Variants in LRRK1 observed in about 807,000 individuals in gnomAD.
LRRK1 encodes the protein leucine rich repeat kinase 1.
Under a neutral mutation model 209.1 loss-of-function variants are expected in LRRK1, and 113 were observed. The ratio of observed to expected loss-of-function variants is 0.54; its 90% confidence interval spans 0.46 to 0.63. The LOEUF (loss-of-function observed/expected upper bound fraction) is 0.63, where lower values mean the gene tolerates loss of function less well. Among genes scored for constraint, LRRK1 ranks in the 30% least tolerant of loss-of-function variants. The probability of loss-of-function intolerance (pLI) is 0.00; values close to 1 mark genes in which losing one functional copy is unlikely to be tolerated. For synonymous variants in LRRK1, 1,144 were observed against 1,099.7 expected, an observed-to-expected ratio of 1.04 and a Z score of -0.80; for missense variants, 2,284 against 2,632.2, an observed-to-expected ratio of 0.87 and a Z score of 2.89.
At chr15:101,043,311 G>A (rs967826694) in intron 20 of LRRK1, among the ~76,000 whole-genome samples, 1 of 152,208 alleles carries the variant, frequency 6.6e-6, no homozygotes, top group Admixed American at 6.5e-5. Flanking sequence ...AGGTATGGGA[G>A]GGGCCTCAAG....
chr15:101,008,702 A>G, intron 6 of LRRK1, 135 bp from the exon 7 acceptor site: 2 of 682,050 alleles, frequency 2.9e-6, no homozygotes, highest in Non-Finnish European at 2.6e-6. Flanking sequence ...CGAGAAGGAC[A>G]TGTGCAGGCC....
At chr15:101,018,881 G>C (rs147107066) in intron 12 of LRRK1, among the ~76,000 whole-genome samples, 1 of 152,126 alleles carries the variant, frequency 6.6e-6, no homozygotes, top group Admixed American at 6.5e-5. Context: ...ATTCTCCCAG[G>C]GCCATGGACC....
chr15:100,969,532 T>A (rs556760730), intron 2 of LRRK1, among the ~76,000 whole-genome samples: 1 of 152,286 alleles, frequency 6.6e-6, no homozygotes, highest in South Asian at 2.1e-4. Context: ...ATGAGCAGGA[T>A]GTGCTTGTTT....
intron 2 of LRRK1, among the ~76,000 whole-genome samples, chr15:100,941,304 G>C (rs140459779): frequency 0.13 from 14,538 of 113,942 alleles, 1,293 homozygotes; most frequent in South Asian, 0.22. Context: ...GTGTGTCTAT[G>C]TGTGTGTGTC....
chr15:101,019,266 C>T (rs1357709250), intron 12 of LRRK1, among the ~76,000 whole-genome samples: 5 of 152,088 alleles, frequency 3.3e-5, no homozygotes, highest in Non-Finnish European at 7.4e-5. Context: ...GCACAGAGGC[C>T]AGGTGTTTAG....
chr15:100,981,693 C>A (rs2031608410), intron 3 of LRRK1, among the ~76,000 whole-genome samples: 2 of 152,292 alleles, frequency 1.3e-5, no homozygotes, highest in South Asian at 4.1e-4. Flanking sequence ...CTTTTATTTC[C>A]TCTTCCATAA....
intron 32 of LRRK1, 94 bp downstream of exon 32, chr15:101,066,299 G>A (rs762754538): frequency 5.1e-4 from 749 of 1,460,052 alleles, no homozygotes; most frequent in Non-Finnish European, 5.3e-4. Flanking sequence ...TTCCTTACAG[G>A]TCATGTGGGG....
chr15:100,972,353 AGAGAGAGAGAGT>A (rs1292540082), intron 2 of LRRK1, among the ~76,000 whole-genome samples: 12 of 133,944 alleles, frequency 9.0e-5, no homozygotes, highest in African/African-American at 1.5e-4. Context: ...AGAGAGAGAG[AGAGAGAGAGAGT>A]GTGTGTGTGT....
chr15:101,058,070 G>GCAGA lies in LRRK1; in HGVS notation c.4612_4615dup (p.Ala1539AspfsTer100), dbSNP rs746045795. 6.2e-7 allele frequency: 1 copy of GCAGA among 1,614,096 alleles called. No individual in the cohort carries two copies. Among genetic ancestry groups the GCAGA allele is most frequent in the Non-Finnish European group, 8.5e-7 (1 of 1,180,030 alleles). On this transcript the variant is annotated frameshift_variant, in exon 29 of 34. Transcript: ENST00000388948. LOFTEE classifies it high-confidence loss of function. ...TCATGTATGAACTGTGCTGTGGGAA[G>GCAGA]CAGACAGCCTTCTTCTCATCCCAGG...
rs1249430543 is a variant in LRRK1, at chr15:101,071,038, C to A, written c.*2190C>A. Reference sequence around the variant, plus strand: ...AGCAATTGAATTACAAAGAAACAGACAGACCCTTAAACATCAATGCTTGAC... The same window carrying A: ...AGCAATTGAATTACAAAGAAACAGAAAGACCCTTAAACATCAATGCTTGAC... On this transcript the variant is annotated 3_prime_UTR_variant, in exon 34 of 34. Coordinates refer to ENST00000388948, the MANE Select transcript of LRRK1 (RefSeq NM_024652.6). The A allele has an allele frequency of 6.6e-6, 1 of 152,238 alleles. No individual in the cohort carries two copies. The highest frequency in any genetic ancestry group is 1.5e-5 in the Non-Finnish European group (1 of 68,066). 9.4% of individuals were successfully genotyped at this position (152,238 alleles called of 1,614,324 possible). A position where few individuals can be genotyped will look rare whatever the true frequency, so the allele number is the denominator to read the frequency against.
intron 2 of LRRK1, among the ~76,000 whole-genome samples, chr15:100,948,690 TAGAA>T (rs2042589508): frequency 6.6e-6 from 1 of 152,082 alleles, no homozygotes; most frequent in East Asian, 1.9e-4. Context: ...GTGACCACAA[TAGAA>T]AGAAGTTAGA....
chr15:100,925,377 G>A (rs374552006), intron 2 of LRRK1, among the ~76,000 whole-genome samples: 9 of 152,146 alleles, frequency 5.9e-5, no homozygotes, highest in South Asian at 2.1e-4. Context: ...GCAGTACTCC[G>A]AACCAAAACA....
chr15:100,924,439 C>A, intron 1 of LRRK1, 72 bp from the exon 2 acceptor site: 1 of 583,140 alleles, frequency 1.7e-6, no homozygotes, highest in Non-Finnish European at 3.1e-6. Context: ...TAAATGAACC[C>A]ATGCAAATAT....
Position 101,008,955 on chromosome 15 carries a change from C to T in LRRK1, c.881C>T (p.Pro294Leu). 3 of 1,614,174 alleles carry T rather than the reference C, an allele frequency of 1.9e-6. No homozygotes were observed. The highest frequency in any genetic ancestry group is 2.5e-6 in the Non-Finnish European group (3 of 1,180,018). ...TCTGCCAACTGCCTGGCGACCCTCC[C>T]CTCGGTTATCCCCTGGGGCCTCATC... ...DLSANCLATL[P>L]SVIPWGLINL... is the part of the protein sequence containing the mutation. Residue 294 changes from proline (P) to leucine (L), a missense_variant, in exon 7 of 34, where the codon CCC becomes CTC. Transcript: ENST00000388948.
At chr15:100,979,512 G>T (rs2031483198) in intron 3 of LRRK1, among the ~76,000 whole-genome samples, 1 of 152,170 alleles carries the variant, frequency 6.6e-6, no homozygotes, top group African/African-American at 2.4e-5. Context: ...GTCTCTATGT[G>T]TGGATCACAT....
At chr15:101,066,565 C>G (rs1015968932) in intron 32 of LRRK1, 75 bp from the exon 33 acceptor site, 2 of 1,391,694 alleles carry the variant, frequency 1.4e-6, no homozygotes, top group Non-Finnish European at 2.0e-6. Context: ...CCGCACCTTT[C>G]TGCACACCGG....
chr15:101,073,096 C>T lies in LRRK1; in HGVS notation c.*4248C>T, dbSNP rs539868187. ...ACCAATTTCAAATCCAGTAAGCAGC[C>T]TCTTTTTACTCTCTTCTCCAACCTC... On this transcript the variant is annotated 3_prime_UTR_variant, in exon 34 of 34. Transcript: ENST00000388948. The T allele has an allele frequency of 5.7e-6, 1 of 175,708 alleles. No homozygotes were observed. Among genetic ancestry groups the T allele is most frequent in the Non-Finnish European group, 1.2e-5 (1 of 85,692 alleles). The allele number at this position is 175,708 out of a possible 1,614,324, so 10.9% of individuals were successfully genotyped here.
At chr15:101,010,342 A>T (rs964803325) in intron 7 of LRRK1, 108 bp from the exon 8 acceptor site, 10 of 1,205,220 alleles carry the variant, frequency 8.3e-6, no homozygotes, top group Non-Finnish European at 1.2e-5. Context: ...TTAACCTTGC[A>T]TGGGGAGAAA....
chr15:100,937,832 G>A (rs2042330734), intron 2 of LRRK1, among the ~76,000 whole-genome samples: 1 of 151,580 alleles, frequency 6.6e-6, no homozygotes. Context: ...ACTGCGCCCA[G>A]CCTATTTATT....
Sources: allele counts gnomAD v4.1 joint callset (sites outside exome capture counted in the v4.1 genomes callset), GRCh38; gene constraint gnomAD v4.1.1; transcripts MANE v1.5; gene names NCBI Gene and HGNC (gene_info 2026-07-23, HGNC 2026-07-21).